Variants in ASPH observed in about 807,000 individuals in gnomAD.
The protein encoded by ASPH is aspartyl/asparaginyl beta-hydroxylase.
ASPH carries 100 observed loss-of-function variants against 118.4 expected under a neutral mutation model. The ratio of observed to expected loss-of-function variants is 0.84; its 90% CI spans 0.72 to 1.00. The LOEUF is 1.00. ASPH is among the 50% of genes least tolerant of loss of function. The pLI is 0.00. For synonymous variants in ASPH, 315 were observed against 325.6 expected, an observed-to-expected ratio of 0.97 and a Z score of 0.35; for missense variants, 920 against 919.5, an observed-to-expected ratio of 1.00 and a Z score of -0.01.
intron 24 of ASPH, among the ~76,000 whole-genome samples, chr8:61,510,409 T>C (rs1808382623): frequency 6.6e-6 from 1 of 152,226 alleles, no homozygotes. Flanking sequence ...TGCAGAAACA[T>C]TACTATAAAT....
At position 61,501,394 on chromosome 8, in the gene ASPH, A is replaced by G. The variant is rs1407937619; in HGVS notation, c.*1965T>C. ...CCTTACTGTAGTGACCTGATTTTAA[A>G]TACCATATTATATTTACTAAGTTAA... On this transcript the variant is annotated 3_prime_UTR_variant, in exon 25 of 25. Transcript: ENST00000379454. The G allele has an allele frequency of 6.6e-6, 1 of 152,182 alleles. No homozygotes were observed. Among genetic ancestry groups the G allele is most frequent in the East Asian group, 1.9e-4 (1 of 5,202 alleles). 9.4% of individuals were successfully genotyped at this position (152,182 alleles called of 1,614,324 possible). A position where few individuals can be genotyped will look rare whatever the true frequency, so the allele number is the denominator to read the frequency against.
chr8:61,679,105 T>A (rs1471385283), intron 3 of ASPH, among the ~76,000 whole-genome samples: 2 of 152,186 alleles, frequency 1.3e-5, no homozygotes, highest in Admixed American at 6.5e-5. Flanking sequence ...GAAATAAGAT[T>A]AGAGGTGATA....
Position 61,665,055 on chromosome 8 carries a change from T to TA in ASPH, c.323-11396dup, listed in dbSNP as rs1338892783. ...ATTACATCATATTCTATGACATTTTTAAAATGTTTTTACATTTAGAAGTAT... is the reference window on the plus strand; with the variant it reads ...ATTACATCATATTCTATGACATTTTTAAAAATGTTTTTACATTTAGAAGTAT... On this transcript the variant is annotated intron_variant, in intron 3 of 24. Coordinates refer to ENST00000379454, the MANE Select transcript of ASPH (RefSeq NM_004318.4). 6.9e-6 allele frequency: 9 copies of TA among 1,307,288 alleles called. No individual in the cohort carries two copies. In the African/African-American group the frequency reaches 1.4e-4, roughly 20 times the overall value. The allele number at this position is 1,307,288 out of a possible 1,614,324, so 81.0% of individuals were successfully genotyped here. A position where few individuals can be genotyped will look rare whatever the true frequency, so the allele number is the denominator to read the frequency against.
intron 1 of ASPH, 98 bp from the exon 2 acceptor site, chr8:61,684,286 T>C: frequency 8.1e-7 from 1 of 1,239,026 alleles, no homozygotes; most frequent in South Asian, 1.9e-5. Context: ...TTATGTACAA[T>C]GATAGATCAT....
rs372300925 is a variant in ASPH at position 61,520,445 on chromosome 8, A to T, written c.1901-2322T>A. On this transcript the variant is annotated intron_variant, in intron 22 of 24. Coordinates refer to ENST00000379454, the MANE Select transcript of ASPH (RefSeq NM_004318.4). ...AATCACATACTGAGAATAAAATAAG[A>T]GTTACAAAAAACGCAACTAAAAGGT... is the stretch of plus-strand genomic sequence containing the variant. Among the ~76,000 whole-genome samples the T allele has an allele frequency of 6.6e-5, 10 of 152,364 alleles. No homozygotes were observed. In the South Asian group the frequency reaches 2.1e-3, roughly 32 times the overall value.
intron 21 of ASPH, among the ~76,000 whole-genome samples, chr8:61,539,738 G>GTGTGTGTGTGTGTGTGTC (rs1290022594): frequency 2.8e-5 from 4 of 144,136 alleles, no homozygotes; most frequent in Non-Finnish European, 6.0e-5. Flanking sequence ...GTGTGTGTGT[G>GTGTGTGTGTGTGTGTGTC]TGTCTGTCCC....
chr8:61,639,505 T>G (rs1329346612), intron 10 of ASPH, among the ~76,000 whole-genome samples: 2 of 152,176 alleles, frequency 1.3e-5, no homozygotes, highest in Non-Finnish European at 2.9e-5. Context: ...TACTCTCCCC[T>G]TTGGTTTTTC....
At chr8:61,711,491 T>G (rs1018669443) in intron 1 of ASPH, among the ~76,000 whole-genome samples, 3 of 152,176 alleles carry the variant, frequency 2.0e-5, no homozygotes, top group African/African-American at 4.8e-5. Context: ...GAAAAAAAAG[T>G]AAAATTGAAC....
At chr8:61,545,849 C>G (rs1363432721) in intron 21 of ASPH, among the ~76,000 whole-genome samples, 2 of 152,126 alleles carry the variant, frequency 1.3e-5, no homozygotes, top group Admixed American at 6.6e-5. Context: ...ATCTCATATC[C>G]CCCTGCCAGT....
intron 3 of ASPH, among the ~76,000 whole-genome samples, chr8:61,672,201 C>T (rs1822906625): frequency 6.6e-6 from 1 of 151,976 alleles, no homozygotes; most frequent in African/African-American, 2.4e-5. Context: ...ACACCAATTG[C>T]TTTTTTATTT....
At chr8:61,660,057 G>A (rs1815978068) in intron 3 of ASPH, 1 of 151,318 alleles carries the variant, frequency 6.6e-6, no homozygotes, top group Admixed American at 6.6e-5. Flanking sequence ...TGGGTATATT[G>A]CGTGATATTG....
At chr8:61,572,778 T>G (rs891701925) in intron 16 of ASPH, among the ~76,000 whole-genome samples, 9 of 152,048 alleles carry the variant, frequency 5.9e-5, no homozygotes, top group African/African-American at 1.9e-4. Flanking sequence ...CAAAGCAAAC[T>G]TTACAAAAAA....
intron 21 of ASPH, among the ~76,000 whole-genome samples, chr8:61,545,487 G>A (rs1245549092): frequency 6.6e-6 from 1 of 152,208 alleles, no homozygotes; most frequent in East Asian, 1.9e-4. Flanking sequence ...TACGTGGTGA[G>A]TTAATGTTCA....
At chr8:61,625,230 TAAG>T (rs1211917176) in intron 13 of ASPH, 5 of 985,744 alleles carry the variant, frequency 5.1e-6, no homozygotes, top group Non-Finnish European at 6.0e-6. Context: ...CCACATTAAA[TAAG>T]AAGAAAATCT....
At chr8:61,693,240 C>T (rs145298845) in intron 1 of ASPH, among the ~76,000 whole-genome samples, 302 of 152,302 alleles carry the variant, frequency 2.0e-3, no homozygotes, top group African/African-American at 6.7e-3. Flanking sequence ...TTATATCCAA[C>T]ACTCATTCTT....
chr8:61,664,485 G>A, intron 3 of ASPH: 2 of 984,710 alleles, frequency 2.0e-6, no homozygotes, highest in Non-Finnish European at 2.4e-6. Flanking sequence ...TATGGCCACA[G>A]TTCTCGGAGC....
intron 22 of ASPH, among the ~76,000 whole-genome samples, chr8:61,521,829 C>G (rs1248867461): frequency 1.3e-5 from 2 of 152,166 alleles, no homozygotes; most frequent in African/African-American, 4.8e-5. Flanking sequence ...GAGGGCTATT[C>G]ATGGAACTGA....
chr8:61,660,000 A>T (rs1424488254), intron 3 of ASPH: 2 of 151,912 alleles, frequency 1.3e-5, no homozygotes, highest in African/African-American at 4.8e-5. Flanking sequence ...TTTAAATATA[A>T]CTTCAACTTC....
At position 61,558,140 on chromosome 8, in the gene ASPH, T is replaced by C. The variant is rs77289846; in HGVS notation, c.1438-2118A>G. Among the ~76,000 whole-genome samples the C allele has an allele frequency of 1.6e-3, 239 of 152,248 alleles. 1 individual carries two copies. Among genetic ancestry groups the C allele is most frequent in the African/African-American group, 5.6e-3 (233 of 41,530 alleles). On this transcript the variant is annotated intron_variant, in intron 18 of 24. Transcript: ENST00000379454. Reference sequence around the variant, plus strand: ...ATTTAGAAGTAGACAAATTTAGAAGTAGACAATGCAAGATGGTAAATGTAG... The same window carrying C: ...ATTTAGAAGTAGACAAATTTAGAAGCAGACAATGCAAGATGGTAAATGTAG...
Sources: gnomAD v4.1 joint callset for allele counts (sites outside exome capture counted in the v4.1 genomes callset) on GRCh38, gnomAD v4.1.1 for gene constraint, MANE v1.5 for transcripts, NCBI Gene and HGNC (gene_info 2026-07-23, HGNC 2026-07-21) for gene names.